SH3RF2: variants seen among roughly 807,000 people sequenced by gnomAD.
SH3RF2 encodes E3 ubiquitin-protein ligase SH3RF2.
Under a neutral mutation model 59.0 loss-of-function variants are expected in SH3RF2, and 43 were observed. That is an observed-to-expected ratio of 0.73 (90% CI 0.57 to 0.94). SH3RF2 has a LOEUF of 0.94. Ranked by LOEUF, SH3RF2 falls within the 40% of genes least tolerant of loss-of-function variation. The pLI is 0.00. For synonymous variants in SH3RF2, 391 were observed against 391.5 expected, an observed-to-expected ratio of 1.00 and a Z score of 0.01; for missense variants, 930 against 940.1, an observed-to-expected ratio of 0.99 and a Z score of 0.14.
chr5:145,983,447 C>A (rs917751922), intron 2 of SH3RF2, among the ~76,000 whole-genome samples: 3 of 152,082 alleles, frequency 2.0e-5, no homozygotes. Flanking sequence ...CTCTTTCTGC[C>A]ATTTGTAACA....
chr5:145,997,300 A>C, intron 2 of SH3RF2: 1 of 1,022,180 alleles, frequency 9.8e-7, no homozygotes, highest in Middle Eastern at 2.1e-4. Flanking sequence ...GAATCCAAAA[A>C]GCAGCTAGTG....
At chr5:146,014,421 C>T (rs1471952488) in intron 5 of SH3RF2, among the ~76,000 whole-genome samples, 2 of 152,080 alleles carry the variant, frequency 1.3e-5, no homozygotes, top group African/African-American at 4.8e-5. Flanking sequence ...CCTATTTTCT[C>T]GAGAGTGTTT....
At chr5:145,944,989 G>A (rs1434890669) in intron 2 of SH3RF2, among the ~76,000 whole-genome samples, 1 of 152,126 alleles carries the variant, frequency 6.6e-6, no homozygotes, top group African/African-American at 2.4e-5. Context: ...CACCTCCTCA[G>A]TGCAGAAACC....
intron 2 of SH3RF2, among the ~76,000 whole-genome samples, chr5:145,944,284 C>G (rs1182222788): frequency 1.1e-4 from 17 of 151,202 alleles, no homozygotes; most frequent in Non-Finnish European, 1.5e-5. Flanking sequence ...ATCTGAAACT[C>G]TTCTGGTCCC....
rs1561741963 is a variant in SH3RF2 at position 146,013,807 on chromosome 5, A to G, written c.805A>G (p.Lys269Glu). The change falls in exon 5 of 10, where the codon AAA (lysine) becomes GAA (glutamate). Residue 269 changes from lysine to glutamate, a missense_variant. Lys to Glu is a moderately conservative substitution (Grantham distance 56). Coordinates refer to ENST00000359120, the MANE Select transcript of SH3RF2 (RefSeq NM_152550.4). ...KNKGRQSSRTKNLSLVSSSSR... is the reference protein window; with the variant it reads ...KNKGRQSSRTENLSLVSSSSR... ...CAAAGGTCGCCAGTCATCCCGCACA[A>G]AAAACCTGTCCCTGGTGTCCTCGTC... 1 of 1,614,106 alleles carries G rather than the reference A, an allele frequency of 6.2e-7. No individual in the cohort carries two copies. The highest frequency in any genetic ancestry group is 1.3e-5 in the African/African-American group (1 of 75,024).
At chr5:146,073,179 T>TG (rs1561777079) in intron 9 of SH3RF2, among the ~76,000 whole-genome samples, 1 of 152,218 alleles carries the variant, frequency 6.6e-6, no homozygotes, top group African/African-American at 2.4e-5. Flanking sequence ...GTGCCAGGGT[T>TG]GGGGCAATAT....
At chr5:145,947,448 T>C (rs1231996487) in intron 2 of SH3RF2, among the ~76,000 whole-genome samples, 3 of 152,114 alleles carry the variant, frequency 2.0e-5, no homozygotes, top group Non-Finnish European at 4.4e-5. Flanking sequence ...ATTGGGAGGA[T>C]TTAATGAGAT....
In SH3RF2 at chr5:145,938,064, G is replaced by C. The variant is rs1561698963; in HGVS notation, c.136G>C (p.Glu46Gln). The change falls in exon 2 of 10, where the codon GAG (glutamate) becomes CAG (glutamine). Residue 46 changes from glutamate (E) to glutamine (Q), a missense_variant. Glu to Gln is a conservative substitution (Grantham distance 29). Transcript: ENST00000359120. ...ACAGAGGGTTTTCAAGGCCCACAAA[G>C]AGCTGCGGTGCCCCGAATGCAGGAC... ...CLQRVFKAHK[E>Q]LRCPECRTPV... 2 of 1,614,246 alleles carry C rather than the reference G, an allele frequency of 1.2e-6. No individual in the cohort carries two copies. Among genetic ancestry groups the C allele is most frequent in the South Asian group, 2.2e-5 (2 of 91,082 alleles).
At chr5:146,059,731 G>T in intron 8 of SH3RF2, 135 bp from the exon 9 acceptor site, 1 of 587,766 alleles carries the variant, frequency 1.7e-6, no homozygotes, top group East Asian at 3.1e-5. Flanking sequence ...GAAAGACCCG[G>T]AGAGAATGTG....
intron 2 of SH3RF2, among the ~76,000 whole-genome samples, chr5:145,952,273 G>A (rs980229615): frequency 6.6e-6 from 1 of 152,098 alleles, no homozygotes. Flanking sequence ...GGGGTTTCAG[G>A]TCATACCAGG....
exon 10 of SH3RF2, chr5:146,078,656 G>A (rs1481468249): frequency 1.3e-5 from 2 of 152,226 alleles, no homozygotes; most frequent in African/African-American, 4.8e-5. Context: ...GAGCAAATCT[G>A]TCTTCACCTG....
chr5:145,990,846 T>A (rs1443953799), intron 2 of SH3RF2, among the ~76,000 whole-genome samples: 1 of 152,176 alleles, frequency 6.6e-6, no homozygotes, highest in African/African-American at 2.4e-5. Flanking sequence ...CCTGCATCTG[T>A]AGAGACAGAA....
chr5:146,024,730 T>A (rs1373673675), intron 5 of SH3RF2, among the ~76,000 whole-genome samples: 1 of 152,208 alleles, frequency 6.6e-6, no homozygotes, highest in Non-Finnish European at 1.5e-5. Context: ...TTTCTATGTA[T>A]GTTGTGAGAT....
At chr5:145,989,138 T>C (rs11167923) in intron 2 of SH3RF2, among the ~76,000 whole-genome samples, 35,051 of 152,108 alleles carry the variant, frequency 0.23, 6,216 homozygotes, top group African/African-American at 0.49. Flanking sequence ...ATGCAAATCA[T>C]GTTCACAAAA....
intron 2 of SH3RF2, among the ~76,000 whole-genome samples, chr5:145,963,829 G>GTT (rs111824139): frequency 2.5e-4 from 34 of 135,692 alleles, no homozygotes; most frequent in East Asian, 6.4e-4. Flanking sequence ...TTTCTTTTTT[G>GTT]TTTTTTTTTT....
downstream of SH3RF2, among the ~76,000 whole-genome samples, chr5:146,064,775 G>A (rs1580949737): frequency 4.1e-5 from 1 of 24,280 alleles, no homozygotes. Flanking sequence ...AGGAAGGAAG[G>A]AAAGGAAGGA....
At chr5:146,032,573 A>G (rs1761779733) in intron 5 of SH3RF2, among the ~76,000 whole-genome samples, 1 of 152,206 alleles carries the variant, frequency 6.6e-6, no homozygotes, top group Admixed American at 6.5e-5. Flanking sequence ...TCATCTGGCC[A>G]GTGACCGAGG....
intron 5 of SH3RF2, among the ~76,000 whole-genome samples, chr5:146,037,734 C>T (rs1761988115): frequency 6.6e-6 from 1 of 152,220 alleles, no homozygotes; most frequent in African/African-American, 2.4e-5. Context: ...GACAGATTTA[C>T]TGGTGAGTTC....
At chr5:146,057,786 T>G in intron 8 of SH3RF2, among the ~76,000 whole-genome samples, 1 of 151,812 alleles carries the variant, frequency 6.6e-6, no homozygotes, top group East Asian at 1.9e-4. Context: ...AAAAAAAAAT[T>G]AAAAGAACAA....
Sources: gnomAD v4.1 joint callset for allele counts (sites outside exome capture counted in the v4.1 genomes callset) on GRCh38, gnomAD v4.1.1 for gene constraint, MANE v1.5 for transcripts, NCBI Gene and HGNC (gene_info 2026-07-23, HGNC 2026-07-21) for gene names.